The following SETX variants were observed in gnomAD, a reference collection of about 807,000 sequenced individuals.
The protein encoded by SETX is senataxin.
Under a neutral mutation model 227.2 loss-of-function variants are expected in SETX, and 90 were observed. That is an observed-to-expected ratio of 0.40 (90% CI 0.33 to 0.47). The LOEUF is 0.47. Among genes scored for constraint, SETX ranks in the 20% least tolerant of loss-of-function variants. The pLI is 0.91. For missense variants in SETX, 3,052 were observed against 3,181.5 expected (o/e 0.96, Z 0.98); for synonymous variants, 1,210 against 1,113.2 (o/e 1.09, Z -1.73).
In SETX at chr9:132,261,937, G is replaced by A. The variant is rs978105182; in HGVS notation, c.*2302C>T. 6.5e-6 allele frequency: 1 copy of A among 154,424 alleles called. No homozygotes were observed. The highest frequency in any genetic ancestry group is 2.4e-5 in the African/African-American group (1 of 41,538). 9.6% of individuals were successfully genotyped at this position (154,424 alleles called of 1,614,324 possible). ...AAAAAGAATAGCCCTGTTCAACAAC[G>A]CTGCGCTGACAGCCACATCAGGAGG... is the stretch of plus-strand genomic sequence containing the variant. On this transcript the variant is annotated 3_prime_UTR_variant, in exon 26 of 26. Transcript: ENST00000224140.
At chr9:132,337,065 T>C (rs2131509782) in intron 5 of SETX, among the ~76,000 whole-genome samples, 1 of 152,120 alleles carries the variant, frequency 6.6e-6, no homozygotes, top group East Asian at 1.9e-4. Flanking sequence ...AGACTCCATC[T>C]CAAAAAATAT....
At position 132,326,458 on chromosome 9, in the gene SETX, A is replaced by T; in HGVS notation, c.5140T>A (p.Leu1714Met). 1 of 1,614,242 alleles carries T rather than the reference A, an allele frequency of 6.2e-7. No individual in the cohort carries two copies. The highest frequency in any genetic ancestry group is 1.1e-5 in the South Asian group (1 of 91,086). The change falls in exon 10 of 26, where the codon TTG becomes ATG. Residue 1714 changes from leucine (L) to methionine (M), a missense_variant. Physicochemically the swap from Leu to Met is conservative, Grantham distance 15. Coordinates refer to ENST00000224140, the MANE Select transcript of SETX (RefSeq NM_015046.7). Reference sequence around the variant, plus strand: ...GGGGGCCCACACTGACCAAAGTTCAAAAACATTTCATATTTCCATTTTAAG... The same window carrying T: ...GGGGGCCCACACTGACCAAAGTTCATAAACATTTCATATTTCCATTTTAAG... Reference protein sequence around the residue: ...EVLKWKYEMFLNFGQCGPPAS... With the variant: ...EVLKWKYEMFMNFGQCGPPAS...
At chr9:132,307,434 C>G (rs1340491487) in intron 11 of SETX, among the ~76,000 whole-genome samples, 1 of 151,902 alleles carries the variant, frequency 6.6e-6, no homozygotes, top group Non-Finnish European at 1.5e-5. Context: ...CAGCATATAG[C>G]ATGCCCAGAT....
chr9:132,308,965 C>T (rs1427144303), intron 11 of SETX, among the ~76,000 whole-genome samples: 2 of 152,052 alleles, frequency 1.3e-5, no homozygotes, highest in Non-Finnish European at 2.9e-5. Flanking sequence ...AGGTGAAACC[C>T]CGTCTCCACT....
At chr9:132,340,803 A>G (rs1264542561) in intron 5 of SETX, among the ~76,000 whole-genome samples, 1 of 152,222 alleles carries the variant, frequency 6.6e-6, no homozygotes, top group Non-Finnish European at 1.5e-5. Context: ...AGTTGAGAAC[A>G]GATTTGGATG....
Position 132,342,781 on chromosome 9 carries a change from G to A in SETX, c.407C>T (p.Ala136Val), listed in dbSNP as rs750537710. The change falls in exon 5 of 26, where the codon GCA becomes GTA. Residue 136 changes from alanine (A) to valine (V), a missense_variant. Ala to Val is a moderately conservative substitution (Grantham distance 64). Around this residue, in one of 10 missense-constraint regions of SETX, gnomAD observed 10 missense variants for 31.4 expected, o/e 0.32. Transcript: ENST00000224140. The part of the protein sequence containing the change: ...HERVNELCVE[A>V]LCRMEQANCS... ...ATTGGCTTGTTCCATCCGACAAAGT[G>A]CTTCAACACATAACTCGTCTAAAAA... 1.9e-6 allele frequency: 3 copies of A among 1,613,322 alleles called. No individual in the cohort carries two copies. The highest frequency in any genetic ancestry group is 2.5e-6 in the Non-Finnish European group (3 of 1,179,496).
chr9:132,307,827 C>T lies in SETX; in HGVS notation c.5374+3930G>A, dbSNP rs148869437. On this transcript the variant is annotated intron_variant, in intron 11 of 25. Transcript: ENST00000224140. ...CCTAGTAGCTGGGACTACAGGTATGCGCCACCATGCCCAGCTGATTTTTGT... is the reference window on the plus strand; with the variant it reads ...CCTAGTAGCTGGGACTACAGGTATGTGCCACCATGCCCAGCTGATTTTTGT... Among the ~76,000 whole-genome samples the T allele has an allele frequency of 8.5e-4, 130 of 152,136 alleles. 1 individual carries two copies. Among genetic ancestry groups the T allele is most frequent in the African/African-American group, 3.0e-3 (124 of 41,506 alleles).
chr9:132,345,225 T>G (rs1395324660), intron 4 of SETX, among the ~76,000 whole-genome samples: 1 of 152,208 alleles, frequency 6.6e-6, no homozygotes, highest in African/African-American at 2.4e-5. Context: ...ATGTCACCAA[T>G]GCAAGGCTGA....
rs1236665736 is a variant in SETX, at chr9:132,349,303, C to T, written c.126G>A (p.Glu42=). Residue 42 remains glutamate (E), a synonymous_variant, in exon 3 of 26, where the codon GAG becomes GAA. Transcript: ENST00000224140. ...TTGCTTTGTGGTACTCAGCCACACA[C>T]TCCAAGCAGTAGCAGAGGTCTTCGT... ...TADEDLCYCL[E]CVAEYHKARD... 1.2e-6 allele frequency: 2 copies of T among 1,613,980 alleles called. No individual in the cohort carries two copies. Among genetic ancestry groups the T allele is most frequent in the East Asian group, 2.2e-5 (1 of 44,882 alleles).
At chr9:132,305,850 G>A (rs183808633) in intron 11 of SETX, among the ~76,000 whole-genome samples, 77 of 152,288 alleles carry the variant, frequency 5.1e-4, no homozygotes, top group African/African-American at 1.8e-3. Flanking sequence ...TGTGGGACAA[G>A]TGGTATAATA....
intron 10 of SETX, among the ~76,000 whole-genome samples, chr9:132,317,380 T>C (rs965556355): frequency 6.6e-6 from 1 of 152,254 alleles, no homozygotes; most frequent in Non-Finnish European, 1.5e-5. Flanking sequence ...TTTGTCATTT[T>C]AATGAACTGT....
intron 4 of SETX, among the ~76,000 whole-genome samples, chr9:132,343,874 G>C (rs981271542): frequency 6.6e-6 from 1 of 152,168 alleles, no homozygotes; most frequent in South Asian, 2.1e-4. Context: ...TAGACAAACA[G>C]TACAGGAAAT....
At position 132,288,369 on chromosome 9, in the gene SETX, T is replaced by TA. The variant is rs780462194; in HGVS notation, c.6209-19dup. 1.6e-5 allele frequency: 25 copies of TA among 1,556,796 alleles called. No individual in the cohort carries two copies. The highest frequency in any genetic ancestry group is 3.4e-4 in the Middle Eastern group (2 of 5,888). On this transcript the variant is annotated intron_variant, in intron 16 of 25. Transcript: ENST00000224140. ...CTCTTTTTCTAATAAAAATAACAAA[T>TA]AAAAAATTATATGCTATTCTAATTC...
chr9:132,287,528 G>A (rs183729757), intron 17 of SETX, among the ~76,000 whole-genome samples: 5 of 151,874 alleles, frequency 3.3e-5, no homozygotes, highest in Non-Finnish European at 5.9e-5. Flanking sequence ...ATCTATTTTC[G>A]TAAATAAAGT....
intron 6 of SETX, 31 bp downstream of exon 6, chr9:132,336,265 C>T (rs778998911): frequency 1.3e-6 from 2 of 1,558,530 alleles, no homozygotes; most frequent in East Asian, 2.2e-5. Context: ...TACGAAAATA[C>T]CAATTATATT....
chr9:132,345,133 C>A (rs1042456231), intron 4 of SETX, among the ~76,000 whole-genome samples: 3 of 152,092 alleles, frequency 2.0e-5, no homozygotes, highest in Non-Finnish European at 4.4e-5. Flanking sequence ...GGAGTGCTAG[C>A]GGCATTTAGT....
chr9:132,276,926 A>C (rs557223595), intron 22 of SETX, 134 bp downstream of exon 22: 1 of 779,824 alleles, frequency 1.3e-6, no homozygotes, highest in African/African-American at 1.7e-5. Context: ...AGAAGCATCA[A>C]CTTAAGTGAA....
intron 4 of SETX, among the ~76,000 whole-genome samples, chr9:132,344,182 TG>T (rs1433451507): frequency 2.6e-5 from 4 of 152,192 alleles, no homozygotes; most frequent in African/African-American, 9.7e-5. Flanking sequence ...CATGTATGAC[TG>T]GATCTGCACA....
chr9:132,294,124 G>C (rs779900716), intron 15 of SETX, among the ~76,000 whole-genome samples: 9 of 152,158 alleles, frequency 5.9e-5, no homozygotes, highest in Non-Finnish European at 1.2e-4. Flanking sequence ...CTGAAAAGCA[G>C]CTTAAGCTCA....
Sources: gnomAD v4.1 joint callset for allele counts (sites outside exome capture counted in the v4.1 genomes callset) on GRCh38, gnomAD v4.1.1 for gene constraint, gnomAD v4.1.1 regional missense constraint, MANE v1.5 for transcripts, NCBI Gene and HGNC (gene_info 2026-07-23, HGNC 2026-07-21) for gene names.